Variants in DNAJC3 observed in about 807,000 individuals in gnomAD.
DNAJC3 encodes the protein DnaJ heat shock protein family (Hsp40) member C3.
In DNAJC3, 38 loss-of-function variants were observed where a neutral mutation model predicts 68.6. The ratio of observed to expected loss-of-function variants is 0.55; its 90% confidence interval spans 0.43 to 0.73. DNAJC3 has a LOEUF of 0.73. Ranked by LOEUF, DNAJC3 falls within the 30% of genes least tolerant of loss-of-function variation. The pLI is 0.00. For missense variants in DNAJC3, 526 were observed against 591.9 expected, an observed-to-expected ratio of 0.89 and a Z score of 1.16; for synonymous variants, 203 against 204.0, an observed-to-expected ratio of 1.00 and a Z score of 0.04.
rs1883826426 is a variant in DNAJC3, at chr13:95,792,954, A to G, written c.*1924A>G. ...GAAATATCAAATCACTTGCCTTTCC[A>G]CTTGGAGAGCACGACAGTTGCCAAC... On this transcript the variant is annotated 3_prime_UTR_variant, in exon 12 of 12. Coordinates refer to ENST00000602402, the MANE Select transcript of DNAJC3 (RefSeq NM_006260.5). 6.6e-6 allele frequency: 1 copy of G among 152,202 alleles called. No individual in the cohort carries two copies. Among genetic ancestry groups the G allele is most frequent in the Non-Finnish European group, 1.5e-5 (1 of 68,040 alleles). 9.4% of individuals were successfully genotyped at this position (152,202 alleles called of 1,614,324 possible).
chr13:95,761,975 G>A (rs1393750415), intron 7 of DNAJC3, among the ~76,000 whole-genome samples: 1 of 151,994 alleles, frequency 6.6e-6, no homozygotes, highest in Non-Finnish European at 1.5e-5. Context: ...ATTCCTCCTT[G>A]TTTACTGTTG....
intron 9 of DNAJC3, among the ~76,000 whole-genome samples, chr13:95,785,452 C>CTTTTTTTTTTTTTTTTTTTTTTTT: frequency 1.3e-5 from 1 of 77,926 alleles, no homozygotes; most frequent in Non-Finnish European, 2.2e-5. Context: ...CCTTTTAAAC[C>CTTTTTTTTTTTTTTTTTTTTTTTT]TTTTTTTTTT....
At position 95,745,253 on chromosome 13, in the gene DNAJC3, T is replaced by C. The variant is rs181851940; in HGVS notation, c.394-12391T>C. On this transcript the variant is annotated intron_variant, in intron 4 of 11. Transcript: ENST00000602402. ...AAATTAATATGATATGAATGACAAT[T>C]ATTTGAAGTTTCTAGCTCTTTTCCC... 2.6e-5 allele frequency: 4 copies of C among 152,330 alleles called. No homozygotes were observed. In the East Asian group the frequency reaches 7.7e-4, roughly 29 times the overall value. 9.4% of individuals were successfully genotyped at this position (152,330 alleles called of 1,614,324 possible).
At chr13:95,722,359 A>G (rs746009167) in intron 2 of DNAJC3, among the ~76,000 whole-genome samples, 1 of 152,132 alleles carries the variant, frequency 6.6e-6, no homozygotes, top group Non-Finnish European at 1.5e-5. Flanking sequence ...CAATATATCA[A>G]TTTAGTCAGA....
intron 9 of DNAJC3, among the ~76,000 whole-genome samples, chr13:95,772,138 A>C (rs1883175593): frequency 6.6e-6 from 1 of 152,162 alleles, no homozygotes; most frequent in South Asian, 2.1e-4. Context: ...TGTTCCAATA[A>C]AACTTTATTT....
intron 4 of DNAJC3, among the ~76,000 whole-genome samples, chr13:95,741,447 TG>T (rs1882141174): frequency 6.6e-6 from 1 of 152,104 alleles, no homozygotes; most frequent in African/African-American, 2.4e-5. Flanking sequence ...TGGGCCCTAG[TG>T]GGGGCAATAA....
chr13:95,681,868 A>G (rs1245446921), intron 1 of DNAJC3, among the ~76,000 whole-genome samples: 1 of 152,172 alleles, frequency 6.6e-6, no homozygotes, highest in Non-Finnish European at 1.5e-5. Context: ...AGCCATCACA[A>G]GGCAAGTTCT....
At chr13:95,690,079 C>T (rs1487603745) in intron 1 of DNAJC3, among the ~76,000 whole-genome samples, 3 of 151,442 alleles carry the variant, frequency 2.0e-5, no homozygotes, top group African/African-American at 4.9e-5. Flanking sequence ...GGAAGGTCAG[C>T]AGATAAACAA....
chr13:95,781,960 C>G (rs1004212486), intron 9 of DNAJC3, among the ~76,000 whole-genome samples: 1 of 152,140 alleles, frequency 6.6e-6, no homozygotes, highest in Non-Finnish European at 1.5e-5. Context: ...CCCCAGCCCC[C>G]TACCTCCCCA....
chr13:95,706,883 A>G (rs1205685831), intron 1 of DNAJC3, among the ~76,000 whole-genome samples: 1 of 152,130 alleles, frequency 6.6e-6, no homozygotes, highest in African/African-American at 2.4e-5. Context: ...ATTAAATTTT[A>G]TATTTGATTT....
chr13:95,683,914 C>T (rs193193102), intron 1 of DNAJC3, among the ~76,000 whole-genome samples: 651 of 111,628 alleles, frequency 5.8e-3, no homozygotes, highest in Middle Eastern at 0.028. Context: ...GCCTGGGTGA[C>T]AGAGCAAAAC....
At chr13:95,777,477 G>A (rs1195171049) in intron 9 of DNAJC3, among the ~76,000 whole-genome samples, 1 of 152,082 alleles carries the variant, frequency 6.6e-6, no homozygotes, top group Non-Finnish European at 1.5e-5. Context: ...TCTGCATACA[G>A]GTTATACATG....
rs1368501530 is a variant in DNAJC3 at position 95,790,258 on chromosome 13, CTTCCTATCCCTGCAATA to C, written c.1358-609_1358-593del. Among the ~76,000 whole-genome samples, 4 of 152,244 alleles carry C rather than the reference CTTCCTATCCCTGCAATA, an allele frequency of 2.6e-5. 1 individual carries two copies. The highest frequency in any genetic ancestry group is 6.4e-3 in the Middle Eastern group (2 of 314). ...ATGACTCTGAGGACATGAGCTCTTT[CTTCCTATCCCTGCAATA>C]TTCCTCTTTATTGCCTTCTCCCATG... is the stretch of plus-strand genomic sequence containing the variant. On this transcript the variant is annotated intron_variant, in intron 11 of 11. Coordinates refer to ENST00000602402, the MANE Select transcript of DNAJC3 (RefSeq NM_006260.5).
intron 1 of DNAJC3, among the ~76,000 whole-genome samples, chr13:95,707,599 C>T (rs1300975461): frequency 2.0e-5 from 3 of 152,168 alleles, no homozygotes; most frequent in Non-Finnish European, 4.4e-5. Context: ...GGGCCTGTCT[C>T]CTAGGACTGC....
intron 1 of DNAJC3, among the ~76,000 whole-genome samples, chr13:95,682,252 C>T (rs983457450): frequency 6.6e-6 from 1 of 152,126 alleles, no homozygotes; most frequent in Non-Finnish European, 1.5e-5. Context: ...CTTGGCTTAG[C>T]CTTCTGTTCT....
At chr13:95,753,135 T>G (rs2139668583) in intron 4 of DNAJC3, among the ~76,000 whole-genome samples, 1 of 152,306 alleles carries the variant, frequency 6.6e-6, no homozygotes, top group East Asian at 1.9e-4. Flanking sequence ...TTTAGCTGCT[T>G]CTTCCTTAGT....
At chr13:95,686,856 T>C (rs973731282) in intron 1 of DNAJC3, among the ~76,000 whole-genome samples, 2 of 152,238 alleles carry the variant, frequency 1.3e-5, no homozygotes, top group African/African-American at 4.8e-5. Flanking sequence ...ACTTTGGCTA[T>C]TCATGCCCTT....
intron 2 of DNAJC3, among the ~76,000 whole-genome samples, chr13:95,715,145 G>T (rs1483834498): frequency 6.6e-6 from 1 of 152,208 alleles, no homozygotes; most frequent in Admixed American, 6.5e-5. Context: ...CTAGCACTTT[G>T]AGCACTTTCG....
chr13:95,782,969 C>T (rs1237891157), intron 9 of DNAJC3, among the ~76,000 whole-genome samples: 1 of 152,130 alleles, frequency 6.6e-6, no homozygotes, highest in Admixed American at 6.5e-5. Context: ...AGTCTTTAGT[C>T]CACCTCGAGT....
Sources: gnomAD v4.1 joint callset for allele counts (sites outside exome capture counted in the v4.1 genomes callset) on GRCh38, gnomAD v4.1.1 for gene constraint, MANE v1.5 for transcripts, NCBI Gene and HGNC (gene_info 2026-07-23, HGNC 2026-07-21) for gene names.